Variants in AOC3 observed in about 807,000 individuals in gnomAD.
The protein encoded by AOC3 is amine oxidase copper containing 3, also known as amine oxidase [copper-containing] 3.
AOC3 carries 47 observed loss-of-function variants against 55.4 expected under a neutral mutation model. The ratio of observed to expected loss-of-function variants is 0.85; its 90% confidence interval spans 0.67 to 1.08. AOC3 has a LOEUF of 1.08. Among genes scored for constraint, AOC3 ranks in the 50% least tolerant of loss-of-function variants. The pLI is 0.00. For missense variants in AOC3, 853 were observed against 993.1 expected (o/e 0.86, Z 1.90); for synonymous variants, 386 against 410.7 (o/e 0.94, Z 0.73).
At position 42,854,724 on chromosome 17, in the gene AOC3, G is replaced by C. The variant is rs750961786; in HGVS notation, c.1877G>C (p.Ser626Thr). The change falls in exon 2 of 4, where the codon AGC (serine) becomes ACC (threonine). Residue 626 changes from serine (S) to threonine (T), a missense_variant. Transcript: ENST00000308423. ...AACAGCTCCATGGCGAGAGGCTTCA[G>C]CTGGGAGAGGTGAGTGGCGGGCAGT... is the stretch of plus-strand genomic sequence containing the variant. ...PQNSSMARGF[S>T]WERYQLAVTQ... The C allele has an allele frequency of 1.7e-5, 25 of 1,476,614 alleles. No individual in the cohort carries two copies. The highest frequency in any genetic ancestry group is 3.6e-6 in the Non-Finnish European group (4 of 1,108,792). The allele number at this position is 1,476,614 out of a possible 1,614,324, so 91.5% of individuals were successfully genotyped here.
chr17:42,856,218 C>A (rs1597970999), intron 3 of AOC3, 57 bp from the exon 4 acceptor site: 1 of 1,586,400 alleles, frequency 6.3e-7, no homozygotes, highest in South Asian at 1.2e-5. Context: ...GAATCCCTAC[C>A]AGGGCATGTC....
intron 3 of AOC3, 126 bp downstream of exon 3, chr17:42,855,699 A>G (rs1398426969): frequency 1.5e-6 from 2 of 1,335,380 alleles, no homozygotes; most frequent in East Asian, 4.7e-5. Flanking sequence ...ATATCTGATC[A>G]TTATCCTTTG....
At position 42,857,962 on chromosome 17, in the gene AOC3, C is replaced by G. The variant is rs964467930; in HGVS notation, c.*1412C>G. 1 of 152,126 alleles carries G rather than the reference C, an allele frequency of 6.6e-6. No individual in the cohort carries two copies. Among genetic ancestry groups the G allele is most frequent in the South Asian group, 2.1e-4 (1 of 4,820 alleles). The allele number at this position is 152,126 out of a possible 1,614,324, so 9.4% of individuals were successfully genotyped here. A position where few individuals can be genotyped will look rare whatever the true frequency, so the allele number is the denominator to read the frequency against. On this transcript the variant is annotated 3_prime_UTR_variant, in exon 4 of 4. Transcript: ENST00000308423. ...TAAACACATAATTGCTTATGTATGCCTATTCAGAATAAATGGGTAACACTG... is the reference window on the plus strand; with the variant it reads ...TAAACACATAATTGCTTATGTATGCGTATTCAGAATAAATGGGTAACACTG...
In AOC3 at chr17:42,856,534, G is replaced by A; in HGVS notation, c.2276G>A (p.Gly759Asp). ...APDLPAFSHGGFSHN is the reference protein window; with the variant it reads ...APDLPAFSHGDFSHN Reference sequence around the variant, plus strand: ...GACCTCCCTGCCTTCTCCCACGGGGGCTTCTCTCACAACTAGGCGGTCCTG... The same window carrying A: ...GACCTCCCTGCCTTCTCCCACGGGGACTTCTCTCACAACTAGGCGGTCCTG... Residue 759 changes from glycine to aspartate, a missense_variant, in exon 4 of 4, where the codon GGC (glycine) becomes GAC (aspartate). Coordinates refer to ENST00000308423, the MANE Select transcript of AOC3 (RefSeq NM_003734.4). 6.2e-7 allele frequency: 1 copy of A among 1,602,374 alleles called. No homozygotes were observed. Among genetic ancestry groups the A allele is most frequent in the Non-Finnish European group, 8.5e-7 (1 of 1,173,174 alleles).
chr17:42,856,608 G>A lies in AOC3; in HGVS notation c.*58G>A, dbSNP rs1019818730. 7 of 1,341,008 alleles carry A rather than the reference G, an allele frequency of 5.2e-6. No individual in the cohort carries two copies. The highest frequency in any genetic ancestry group is 1.4e-5 in the African/African-American group (1 of 69,112). 83.1% of individuals were successfully genotyped at this position (1,341,008 alleles called of 1,614,324 possible). On this transcript the variant is annotated 3_prime_UTR_variant, in exon 4 of 4. Transcript: ENST00000308423. ...TCCAGGGCCAGGGTGTGAGGGATGGGGAGCAGCTGGGCACTGGGCCGGCAG... is the reference window on the plus strand; with the variant it reads ...TCCAGGGCCAGGGTGTGAGGGATGGAGAGCAGCTGGGCACTGGGCCGGCAG...
chr17:42,854,238 A>G, intron 1 of AOC3: 1 of 407,630 alleles, frequency 2.5e-6, no homozygotes, highest in Non-Finnish European at 4.3e-6. Context: ...AATGAGTGAA[A>G]TGGAATGAAC....
Position 42,852,193 on chromosome 17 carries a change from G to A in AOC3, c.850G>A (p.Gly284Ser), listed in dbSNP as rs1438298799. ...LAQLEAQFEAGLVNVVLIPDN... is the reference protein window; with the variant it reads ...LAQLEAQFEASLVNVVLIPDN... Reference sequence around the variant, plus strand: ...CCAGCTGGAGGCCCAGTTTGAGGCCGGCCTGGTGAATGTGGTGCTGATCCC... The same window carrying A: ...CCAGCTGGAGGCCCAGTTTGAGGCCAGCCTGGTGAATGTGGTGCTGATCCC... The change falls in exon 1 of 4, where the codon GGC becomes AGC. Residue 284 changes from glycine to serine, a missense_variant. By Grantham distance (56) the Gly-to-Ser change is moderately conservative. Coordinates refer to ENST00000308423, the MANE Select transcript of AOC3 (RefSeq NM_003734.4). 13 of 1,613,780 alleles carry A rather than the reference G, an allele frequency of 8.1e-6. No individual in the cohort carries two copies. Among genetic ancestry groups the A allele is most frequent in the Admixed American group, 1.7e-5 (1 of 59,992 alleles).
In AOC3 at chr17:42,852,587, TC is replaced by T. The variant is rs751352031; in HGVS notation, c.1246del (p.Leu416PhefsTer70). 2.2e-5 allele frequency: 36 copies of T among 1,614,006 alleles called. No individual in the cohort carries two copies. The highest frequency in any genetic ancestry group is 2.6e-5 in the Non-Finnish European group (31 of 1,180,034). ...PYLATYVDWH[F>X]LLESQAPKTI... is the part of the protein sequence containing the mutation. ...TTGGCCACCTACGTGGACTGGCACT[TC>T]CTTTTGGAGTCCCAGGCCCCCAAGA... On this transcript the variant is annotated frameshift_variant, in exon 1 of 4. Coordinates refer to ENST00000308423, the MANE Select transcript of AOC3 (RefSeq NM_003734.4). LOFTEE classifies it high-confidence loss of function.
Position 42,852,774 on chromosome 17 carries a change from G to A in AOC3, c.1431G>A (p.Thr477=), listed in dbSNP as rs1489682831. 3.1e-6 allele frequency: 5 copies of A among 1,613,952 alleles called. No individual in the cohort carries two copies. Among genetic ancestry groups the A allele is most frequent in the African/African-American group, 1.3e-5 (1 of 74,908 alleles). The part of the protein sequence containing the change: ...TLLNYDYVWD[T]VFHPSGAIEI... ...TCAACTATGACTATGTGTGGGATAC[G>A]GTCTTCCACCCCAGTGGGGCCATAG... is the stretch of plus-strand genomic sequence containing the variant. The change falls in exon 1 of 4, where the codon ACG becomes ACA. Residue 477 remains threonine, a synonymous_variant. Transcript: ENST00000308423.
Position 42,852,308 on chromosome 17 carries a change from G to A in AOC3, c.965G>A (p.Arg322His), listed in dbSNP as rs750442526. 77 of 1,613,916 alleles carry A rather than the reference G, an allele frequency of 4.8e-5. No individual in the cohort carries two copies. Among genetic ancestry groups the A allele is most frequent in the Non-Finnish European group, 5.9e-5 (70 of 1,180,018 alleles). Residue 322 changes from arginine (R) to histidine (H), a missense_variant, in exon 1 of 4, where the codon CGC becomes CAC. Arg to His is a conservative substitution (Grantham distance 29, BLOSUM62 0). Coordinates refer to ENST00000308423, the MANE Select transcript of AOC3 (RefSeq NM_003734.4). ...PPLQFYPQGP[R>H]FSVQGSRVAS... ...CTACAGTTCTATCCCCAAGGCCCCCGCTTCAGTGTCCAGGGAAGTCGAGTG... is the reference window on the plus strand; with the variant it reads ...CTACAGTTCTATCCCCAAGGCCCCCACTTCAGTGTCCAGGGAAGTCGAGTG...
Position 42,851,928 on chromosome 17 carries a change from C to T in AOC3, c.585C>T (p.Leu195=). ...AGCTGCCCCAGGCTTCTGGGCTTCT[C>T]CACCACTGTTGCTTCTACAAGCACC... ...NRELPQASGL[L]HHCCFYKHRG... Residue 195 remains leucine, a synonymous_variant, in exon 1 of 4, where the codon CTC becomes CTT. Coordinates refer to ENST00000308423, the MANE Select transcript of AOC3 (RefSeq NM_003734.4). 1 of 1,613,774 alleles carries T rather than the reference C, an allele frequency of 6.2e-7. No homozygotes were observed. The highest frequency in any genetic ancestry group is 8.5e-7 in the Non-Finnish European group (1 of 1,179,940).
Position 42,851,993 on chromosome 17 carries a change from G to A in AOC3, c.650G>A (p.Gly217Asp). 6.2e-7 allele frequency: 1 copy of A among 1,613,826 alleles called. No individual in the cohort carries two copies. The highest frequency in any genetic ancestry group is 8.5e-7 in the Non-Finnish European group (1 of 1,179,868). ...GTGACAATGACCACGGCTCCCCGTG[G>A]TCTGCAATCAGGGGACCGGGCCACC... The part of the protein sequence containing the change: ...NLVTMTTAPR[G>D]LQSGDRATWF... Residue 217 changes from glycine to aspartate, a missense_variant, in exon 1 of 4, where the codon GGT becomes GAT. By Grantham distance (94) the Gly-to-Asp change is moderately conservative (BLOSUM62 -1). Transcript: ENST00000308423.
At chr17:42,855,350 G>A in intron 2 of AOC3, 94 bp from the exon 3 acceptor site, 1 of 1,506,156 alleles carries the variant, frequency 6.6e-7, no homozygotes, top group South Asian at 1.2e-5. Flanking sequence ...CTGCAATTGG[G>A]GAAGCTGAGC....
Position 42,854,527 on chromosome 17 carries a change from G to A in AOC3, c.1680G>A (p.Gln560=). 3 of 1,609,634 alleles carry A rather than the reference G, an allele frequency of 1.9e-6. No individual in the cohort carries two copies. The highest frequency in any genetic ancestry group is 1.1e-5 in the South Asian group (1 of 90,518). Residue 560 remains glutamine, a synonymous_variant, in exon 2 of 4, where the codon CAG becomes CAA. Coordinates refer to ENST00000308423, the MANE Select transcript of AOC3 (RefSeq NM_003734.4). ...AVPWSPEHQL[Q]RLQVTRKLLE... is the part of the protein sequence containing the mutation. ...CCTGGAGCCCTGAGCACCAGCTGCA[G>A]AGGCTGCAGGTGACCCGGAAGCTGC...
chr17:42,853,403 AC>A lies in AOC3; in HGVS notation c.1600+463del, dbSNP rs557436461. 2.8e-3 allele frequency: 2,777 copies of A among 992,338 alleles called. 7 individuals are homozygous for A. Among genetic ancestry groups the A allele is most frequent in the Non-Finnish European group, 3.1e-3 (2,623 of 834,178 alleles). 61.5% of individuals were successfully genotyped at this position (992,338 alleles called of 1,614,324 possible). A position where few individuals can be genotyped will look rare whatever the true frequency, so the allele number is the denominator to read the frequency against. On this transcript the variant is annotated intron_variant, in intron 1 of 3. Transcript: ENST00000308423. ...GGTTGTACATTTCCTTTGGAGATGG[AC>A]CCTCCTCCCTGATTTTCCTTCTTTC...
chr17:42,851,739 G>A lies in AOC3; in HGVS notation c.396G>A (p.Arg132=), dbSNP rs1446496660. 1 of 1,612,250 alleles carries A rather than the reference G, an allele frequency of 6.2e-7. No individual in the cohort carries two copies. The change falls in exon 1 of 4, where the codon AGG becomes AGA. Residue 132 remains arginine, a synonymous_variant. Coordinates refer to ENST00000308423, the MANE Select transcript of AOC3 (RefSeq NM_003734.4). ...REALAIVFFG[R]QPQPNVSELV... ...CACTGGCCATCGTCTTCTTTGGCAG[G>A]CAACCCCAGCCCAACGTGAGTGAGC...
rs749418562 is a variant in AOC3, at chr17:42,852,832, T to C, written c.1489T>C (p.Ser497Pro). 5.6e-6 allele frequency: 9 copies of C among 1,613,998 alleles called. 1 individual carries two copies. The South Asian group carries it at 9.9e-5, about 18-fold the overall frequency. Residue 497 changes from serine to proline, a missense_variant, in exon 1 of 4, where the codon TCG becomes CCG. By Grantham distance (74) the Ser-to-Pro change is moderately conservative. Transcript: ENST00000308423. Reference sequence around the variant, plus strand: ...ATTCTATGCCACGGGCTACATCAGCTCGGCATTCCTCTTTGGTGCTACTGG... The same window carrying C: ...ATTCTATGCCACGGGCTACATCAGCCCGGCATTCCTCTTTGGTGCTACTGG... ...IRFYATGYIS[S>P]AFLFGATGKY...
In AOC3 at chr17:42,856,579, G is replaced by A. The variant is rs1384841489; in HGVS notation, c.*29G>A. 7.1e-7 allele frequency: 1 copy of A among 1,410,906 alleles called. No homozygotes were observed. Among genetic ancestry groups the A allele is most frequent in the South Asian group, 1.2e-5 (1 of 81,728 alleles). The allele number at this position is 1,410,906 out of a possible 1,614,324, so 87.4% of individuals were successfully genotyped here. A position where few individuals can be genotyped will look rare whatever the true frequency, so the allele number is the denominator to read the frequency against. On this transcript the variant is annotated 3_prime_UTR_variant, in exon 4 of 4. Coordinates refer to ENST00000308423, the MANE Select transcript of AOC3 (RefSeq NM_003734.4). Reference sequence around the variant, plus strand: ...GTCCTGGGATGGGGCATGTGGCCAAGGGCTCCAGGGCCAGGGTGTGAGGGA... The same window carrying A: ...GTCCTGGGATGGGGCATGTGGCCAAAGGCTCCAGGGCCAGGGTGTGAGGGA...
chr17:42,853,624 T>C (rs1297771530), intron 1 of AOC3, among the ~76,000 whole-genome samples: 3 of 152,166 alleles, frequency 2.0e-5, no homozygotes, highest in Non-Finnish European at 4.4e-5. Flanking sequence ...TATTTTGTTT[T>C]GTTTCTGTTT....
Sources: gnomAD v4.1 joint callset for allele counts (sites outside exome capture counted in the v4.1 genomes callset) on GRCh38, gnomAD v4.1.1 for gene constraint, MANE v1.5 for transcripts, NCBI Gene and HGNC (gene_info 2026-07-23, HGNC 2026-07-21) for gene names.